The following SLC23A3 variants were observed in gnomAD, a reference collection of about 807,000 sequenced individuals.
The protein encoded by SLC23A3 is E2-binding protein 3.
Under a neutral mutation model 64.7 loss-of-function variants are expected in SLC23A3, and 41 were observed. The ratio of observed to expected loss-of-function variants is 0.63; its 90% CI spans 0.49 to 0.82. The LOEUF (loss-of-function observed/expected upper bound fraction) is 0.82, where lower values mean the gene tolerates loss of function less well. Ranked by LOEUF, SLC23A3 falls within the 40% of genes least tolerant of loss-of-function variation. The pLI is 0.00. For synonymous variants in SLC23A3, 281 were observed against 306.8 expected (o/e 0.92, Z 0.88); for missense variants, 647 against 733.4 (o/e 0.88, Z 1.36).
At chr2:219,165,535 G>C in intron 7 of SLC23A3, 113 bp from the exon 8 acceptor site, 1 of 1,277,104 alleles carries the variant, frequency 7.8e-7, no homozygotes. Flanking sequence ...TGAAGACAAT[G>C]TCTTGGGACA....
rs764930868 is a variant in SLC23A3, at chr2:219,169,255, G to A, written c.418+54C>T. 1.9e-6 allele frequency: 3 copies of A among 1,613,632 alleles called. No homozygotes were observed. The highest frequency in any genetic ancestry group is 2.2e-5 in the East Asian group (1 of 44,880). ...ATTCTGCACCCACCTACACCTGCATGCTCAGATGAGAACCCAGCCCCACCC... is the reference window on the plus strand; with the variant it reads ...ATTCTGCACCCACCTACACCTGCATACTCAGATGAGAACCCAGCCCCACCC... On this transcript the variant is annotated intron_variant, in intron 3 of 11. Coordinates refer to ENST00000409878, the MANE Select transcript of SLC23A3 (RefSeq NM_001144889.2). This position sits in a 1 kb window ranked among gnomAD's most constrained non-coding sequence, Gnocchi z 4.5.
chr2:219,169,153 C>G lies in SLC23A3; in HGVS notation c.419-51G>C, dbSNP rs749546536. On this transcript the variant is annotated intron_variant, in intron 3 of 11. Transcript: ENST00000409878. The surrounding 1 kb of genome is among the most constrained non-coding windows in gnomAD (Gnocchi z 4.5). ...AGAGAAGGGTGAATGGAATGGAGACCCATTGCTCTACAGTCCCACTCCTGG... is the reference window on the plus strand; with the variant it reads ...AGAGAAGGGTGAATGGAATGGAGACGCATTGCTCTACAGTCCCACTCCTGG... 3.1e-6 allele frequency: 5 copies of G among 1,603,568 alleles called. No homozygotes were observed. The South Asian group carries it at 4.4e-5, about 14-fold the overall frequency.
In SLC23A3 at chr2:219,163,702, G is replaced by T. The variant is rs1949973390; in HGVS notation, c.1274-147C>A. 8 of 873,554 alleles carry T rather than the reference G, an allele frequency of 9.2e-6. No individual in the cohort carries two copies. In the Admixed American group the frequency reaches 1.9e-4, roughly 21 times the overall value. 54.1% of individuals were successfully genotyped at this position (873,554 alleles called of 1,614,324 possible). On this transcript the variant is annotated intron_variant, in intron 9 of 11. Transcript: ENST00000409878. The stretch of plus-strand genomic sequence containing the variant: ...GTTTTTTTTGTTTTTTTGTTTTTTT[G>T]GTTTTTTTTTGAGAGCAAGTCTCAC...
chr2:219,161,782 C>A lies in SLC23A3; in HGVS notation c.*127G>T. 1 of 1,080,962 alleles carries A rather than the reference C, an allele frequency of 9.3e-7. No individual in the cohort carries two copies. Among genetic ancestry groups the A allele is most frequent in the Non-Finnish European group, 1.3e-6 (1 of 760,190 alleles). The allele number at this position is 1,080,962 out of a possible 1,614,324, so 67.0% of individuals were successfully genotyped here. ...AACCCACCCTATTGGGAAATGGAAC[C>A]TCTAGACAGTCCCATGTAATACACA... On this transcript the variant is annotated 3_prime_UTR_variant, in exon 12 of 12. Transcript: ENST00000409878.
chr2:219,161,628 A>C lies in SLC23A3; in HGVS notation c.*281T>G. Reference sequence around the variant, plus strand: ...ACCTTGCACATGGGAGATGCTCAGTAAGTATTAAAGTGAATGCTGGGGTTC... The same window carrying C: ...ACCTTGCACATGGGAGATGCTCAGTCAGTATTAAAGTGAATGCTGGGGTTC... On this transcript the variant is annotated 3_prime_UTR_variant, in exon 12 of 12. Transcript: ENST00000409878. 3.3e-6 allele frequency: 1 copy of C among 300,228 alleles called. No individual in the cohort carries two copies. 18.6% of individuals were successfully genotyped at this position (300,228 alleles called of 1,614,324 possible). A position where few individuals can be genotyped will look rare whatever the true frequency, so the allele number is the denominator to read the frequency against.
At chr2:219,163,039 G>A (rs1199588707) in intron 10 of SLC23A3, among the ~76,000 whole-genome samples, 3 of 151,804 alleles carry the variant, frequency 2.0e-5, no homozygotes, top group Admixed American at 6.5e-5. Flanking sequence ...CATCAGGAAT[G>A]ACCTTCTTCT....
intron 8 of SLC23A3, 185 bp downstream of exon 8, chr2:219,164,984 G>T (rs1431734178): frequency 1.3e-5 from 9 of 717,988 alleles, no homozygotes; most frequent in Non-Finnish European, 2.0e-5. Context: ...TCATGCACAG[G>T]AGTTCCGTGG....
At position 219,161,989 on chromosome 2, in the gene SLC23A3, C is replaced by T. The variant is rs772997617; in HGVS notation, c.1753G>A (p.Glu585Lys). 6.2e-7 allele frequency: 1 copy of T among 1,613,648 alleles called. No individual in the cohort carries two copies. Among genetic ancestry groups the T allele is most frequent in the Non-Finnish European group, 8.5e-7 (1 of 1,179,730 alleles). Reference sequence around the variant, plus strand: ...CCAGGCAGCAAGTCTGCCATCTCTTCTGGCTCAGAGGAGCCTCCTTCCTCA... The same window carrying T: ...CCAGGCAGCAAGTCTGCCATCTCTTTTGGCTCAGAGGAGCCTCCTTCCTCA... Reference protein sequence around the residue: ...GDEEGGSSEPEEMADLLPGSG... With the variant: ...GDEEGGSSEPKEMADLLPGSG... Residue 585 changes from glutamate to lysine, a missense_variant, in exon 12 of 12, where the codon GAA becomes AAA. By Grantham distance (56) the Glu-to-Lys change is moderately conservative. Coordinates refer to ENST00000409878, the MANE Select transcript of SLC23A3 (RefSeq NM_001144889.2).
Position 219,162,092 on chromosome 2 carries a change from AG to A in SLC23A3, c.1649del (p.Pro550LeufsTer71). The A allele has an allele frequency of 6.2e-7, 1 of 1,614,202 alleles. No homozygotes were observed. The highest frequency in any genetic ancestry group is 8.5e-7 in the Non-Finnish European group (1 of 1,180,046). ...AGGGACAGAGGTTTTGGATGGGGAAAGGAAGTCTGTACACTTGAGCAGCCTT... is the reference window on the plus strand; with the variant it reads ...AGGGACAGAGGTTTTGGATGGGGAAAGAAGTCTGTACACTTGAGCAGCCTT... ...REKAAQVYRLPFPIQNLCPCI... is the reference protein window; with the variant it reads ...REKAAQVYRLXFPIQNLCPCI... On this transcript the variant is annotated frameshift_variant, in exon 12 of 12. Coordinates refer to ENST00000409878, the MANE Select transcript of SLC23A3 (RefSeq NM_001144889.2). LOFTEE classifies it high-confidence loss of function.
chr2:219,167,928 A>G lies in SLC23A3; in HGVS notation c.913+2T>C, dbSNP rs1293437502. 6.3e-7 allele frequency: 1 copy of G among 1,580,644 alleles called. No homozygotes were observed. Reference sequence around the variant, plus strand: ...AGAATGGAGGACTAGGAGAAAACCTACCTGGGTGAGGCAGCCAAATCCATG... The same window carrying G: ...AGAATGGAGGACTAGGAGAAAACCTGCCTGGGTGAGGCAGCCAAATCCATG... On this transcript the variant is annotated splice_donor_variant, in intron 7 of 11. Transcript: ENST00000409878. LOFTEE classifies it high-confidence loss of function.
intron 10 of SLC23A3, 120 bp from the exon 11 acceptor site, chr2:219,162,514 A>G (rs2106375092): frequency 1.4e-6 from 1 of 710,692 alleles, no homozygotes; most frequent in East Asian, 2.7e-5. Context: ...CTGAATTGTC[A>G]TTTCATCCCT....
rs765380164 is a variant in SLC23A3 at position 219,162,309 on chromosome 2, G to T, written c.1527C>A (p.Asn509Lys). 9 of 1,613,972 alleles carry T rather than the reference G, an allele frequency of 5.6e-6. No individual in the cohort carries two copies. Among genetic ancestry groups the T allele is most frequent in the Non-Finnish European group, 5.9e-6 (7 of 1,180,004 alleles). Residue 509 changes from asparagine to lysine, a missense_variant, in exon 11 of 12, where the codon AAC becomes AAA. Transcript: ENST00000409878. ...CTAGCCTCAACTTACCAGGAATCGTGTTCTCTAGTAGGAAGCCTGAGAGTC... is the reference window on the plus strand; with the variant it reads ...CTAGCCTCAACTTACCAGGAATCGTTTTCTCTAGTAGGAAGCCTGAGAGTC... ...LAGLSGFLLE[N>K]TIPGTQLERG... is the part of the protein sequence containing the mutation.
In SLC23A3 at chr2:219,165,245, A is replaced by G. The variant is rs1357510461; in HGVS notation, c.1091T>C (p.Val364Ala). ...RGLSLEGLGS[V>A]LAGLLGSPMG... is the part of the protein sequence containing the mutation. ...GGGGCTTCCCAGCAGCCCGGCCAGC[A>G]CACTGCCCAGCCCCTCCAGGCTCAG... Residue 364 changes from valine (V) to alanine (A), a missense_variant, in exon 8 of 12, where the codon GTG becomes GCG. By Grantham distance (64) the Val-to-Ala change is moderately conservative (BLOSUM62 0). Coordinates refer to ENST00000409878, the MANE Select transcript of SLC23A3 (RefSeq NM_001144889.2). 1.3e-6 allele frequency: 2 copies of G among 1,551,672 alleles called. No individual in the cohort carries two copies. The highest frequency in any genetic ancestry group is 2.4e-5 in the East Asian group (1 of 40,922).
Position 219,163,484 on chromosome 2 carries a change from CTA to C in SLC23A3, c.1343_1344del (p.Ile448ArgfsTer69). 6.2e-7 allele frequency: 1 copy of C among 1,614,178 alleles called. No homozygotes were observed. Among genetic ancestry groups the C allele is most frequent in the Non-Finnish European group, 8.5e-7 (1 of 1,180,038 alleles). On this transcript the variant is annotated frameshift_variant, in exon 10 of 12. Transcript: ENST00000409878. LOFTEE classifies it high-confidence loss of function. ...ACAATGAAGATATTTCGCCCAGAGT[CTA>C]TGTCAGCCAGGTAGAAGCTGGAGAA... is the stretch of plus-strand genomic sequence containing the variant. ...AGFSSFYLAD[I>X]DSGRNIFIVG...
chr2:219,168,354 G>GT, intron 5 of SLC23A3, 36 bp from the exon 6 acceptor site: 1 of 1,543,284 alleles, frequency 6.5e-7, no homozygotes, highest in Non-Finnish European at 8.7e-7. Context: ...AAGAGGCAGT[G>GT]GGTATCCTGA....
At chr2:219,168,387 T>G (rs1028307307) in intron 5 of SLC23A3, 69 bp from the exon 6 acceptor site, 3 of 1,474,110 alleles carry the variant, frequency 2.0e-6, no homozygotes, top group Admixed American at 2.4e-5. Context: ...GAGGTGGGAG[T>G]GGGCAGAATA....
rs1333507620 is a variant in SLC23A3, at chr2:219,161,995, C to T, written c.1747G>A (p.Glu583Lys). Residue 583 changes from glutamate to lysine, a missense_variant, in exon 12 of 12, where the codon GAG becomes AAG. By Grantham distance (56) the Glu-to-Lys change is moderately conservative. Transcript: ENST00000409878. ...AGCAAGTCTGCCATCTCTTCTGGCT[C>T]AGAGGAGCCTCCTTCCTCATCCCCA... The part of the protein sequence containing the change: ...DPGDEEGGSS[E>K]PEEMADLLPG... The T allele has an allele frequency of 1.2e-6, 2 of 1,613,906 alleles. No homozygotes were observed. The highest frequency in any genetic ancestry group is 1.7e-6 in the Non-Finnish European group (2 of 1,179,876).
chr2:219,165,829 A>G (rs1022322421), intron 7 of SLC23A3, among the ~76,000 whole-genome samples: 16 of 152,326 alleles, frequency 1.1e-4, no homozygotes, highest in African/African-American at 3.6e-4. Context: ...CAGTGGCCAC[A>G]TCCTCAAGAA....
intron 8 of SLC23A3, chr2:219,164,655 G>C (rs1373133319): frequency 3.8e-6 from 1 of 266,628 alleles, no homozygotes; most frequent in Non-Finnish European, 7.1e-6. Context: ...TGCCTCCCAG[G>C]CTCAAGCGAT....
Sources: allele counts gnomAD v4.1 joint callset (sites outside exome capture counted in the v4.1 genomes callset), GRCh38; gene constraint gnomAD v4.1.1; non-coding constraint Gnocchi (gnomAD v3.1); transcripts MANE v1.5; gene names NCBI Gene and HGNC (gene_info 2026-07-23, HGNC 2026-07-21).